CLCN3: variants seen among roughly 807,000 people sequenced by gnomAD.
CLCN3 encodes the protein Cl-/H+ antiporter 3.
CLCN3 carries 16 observed loss-of-function variants against 83.4 expected under a neutral mutation model. The observed-to-expected ratio is 0.19, with a 90% CI of 0.13 to 0.29. CLCN3 has a LOEUF of 0.29. CLCN3 is among the 10% of genes least tolerant of loss of function. The pLI, the probability that CLCN3 is intolerant of heterozygous loss-of-function variation, is 1.00. For missense variants in CLCN3, 544 were observed against 1,006.0 expected, an observed-to-expected ratio of 0.54 and a Z score of 6.21; for synonymous variants, 322 against 346.2, an observed-to-expected ratio of 0.93 and a Z score of 0.78.
chr4:169,699,448 GTGA>G (rs1457616139), intron 9 of CLCN3, among the ~76,000 whole-genome samples: 1 of 152,160 alleles, frequency 6.6e-6, no homozygotes, highest in Non-Finnish European at 1.5e-5. Flanking sequence ...GTATTTGCTA[GTGA>G]TGATGTGCTT....
At chr4:169,647,188 G>A (rs553324906) in intron 2 of CLCN3, among the ~76,000 whole-genome samples, 7 of 152,162 alleles carry the variant, frequency 4.6e-5, no homozygotes, top group African/African-American at 7.2e-5. Flanking sequence ...CCAGGAATTC[G>A]AGACCAGCCT....
chr4:169,671,149 T>C (rs749499521), intron 2 of CLCN3, among the ~76,000 whole-genome samples: 2 of 152,142 alleles, frequency 1.3e-5, no homozygotes, highest in Admixed American at 6.5e-5. Flanking sequence ...CATGCACACG[T>C]ATGTTTATTA....
rs149161966 is a variant in CLCN3, at chr4:169,662,578, G to A, written c.161-17472G>A. The A allele has an allele frequency of 1.3e-3, 197 of 152,294 alleles. 1 individual carries two copies. Among genetic ancestry groups the A allele is most frequent in the African/African-American group, 4.7e-3 (194 of 41,578 alleles). 9.4% of individuals were successfully genotyped at this position (152,294 alleles called of 1,614,324 possible). On this transcript the variant is annotated intron_variant, in intron 2 of 12. Transcript: ENST00000513761. ...TAAAATTGATCTTCAGCCTGATAGT[G>A]AAGAGGCAGATAAAGTATAAAATTG...
In CLCN3 at chr4:169,721,597, C is replaced by T. The variant is rs934138236; in HGVS notation, c.*1600C>T. The T allele has an allele frequency of 2.0e-5, 3 of 152,090 alleles. No homozygotes were observed. The highest frequency in any genetic ancestry group is 2.9e-5 in the Non-Finnish European group (2 of 68,022). 9.4% of individuals were successfully genotyped at this position (152,090 alleles called of 1,614,324 possible). On this transcript the variant is annotated 3_prime_UTR_variant, in exon 13 of 13. Coordinates refer to ENST00000513761, the MANE Select transcript of CLCN3 (RefSeq NM_001829.4). The stretch of plus-strand genomic sequence containing the variant: ...CAAAGATAGCAGTTAAAATTTTAAT[C>T]TGAAAATAACCTTTGAATCTCGGGC...
intron 9 of CLCN3, chr4:169,702,794 A>AG (rs1732844309): frequency 1.3e-5 from 4 of 305,606 alleles, no homozygotes; most frequent in African/African-American, 4.4e-5. Flanking sequence ...AAAAAAAAAA[A>AG]AAAGAAAGCC....
At chr4:169,666,897 T>A (rs1297687741) in intron 2 of CLCN3, among the ~76,000 whole-genome samples, 2 of 152,332 alleles carry the variant, frequency 1.3e-5, no homozygotes, top group East Asian at 3.9e-4. Context: ...ATATGTAATG[T>A]CCTGAGAACA....
intron 7 of CLCN3, among the ~76,000 whole-genome samples, chr4:169,695,049 C>T (rs779353765): frequency 1.1e-4 from 16 of 152,004 alleles, no homozygotes; most frequent in Non-Finnish European, 2.4e-4. Flanking sequence ...GTTGGTGAGA[C>T]TGTAACTTGA....
chr4:169,628,796 CA>C (rs1773297486), intron 1 of CLCN3, among the ~76,000 whole-genome samples: 1 of 152,210 alleles, frequency 6.6e-6, no homozygotes, highest in Non-Finnish European at 1.5e-5. Flanking sequence ...TGTACTCTGA[CA>C]TTTAGCCCAA....
At chr4:169,626,175 A>T (rs1225057152) in intron 1 of CLCN3, among the ~76,000 whole-genome samples, 1 of 152,230 alleles carries the variant, frequency 6.6e-6, no homozygotes, top group East Asian at 1.9e-4. Flanking sequence ...CAGCTCACAG[A>T]ACTCAGAGAA....
Position 169,707,037 on chromosome 4 carries a change from T to G in CLCN3, c.1920T>G (p.Pro640=). ...YEAHIRLNGY[P]FLDAKEEFTH... is the part of the protein sequence containing the mutation. ...CACACATCCGATTAAATGGATACCCTTTCTTGGATGCAAAAGAAGAATTCA... is the reference window on the plus strand; with the variant it reads ...CACACATCCGATTAAATGGATACCCGTTCTTGGATGCAAAAGAAGAATTCA... Residue 640 remains proline, a synonymous_variant, in exon 11 of 13, where the codon CCT becomes CCG. Transcript: ENST00000513761. 1 of 1,614,208 alleles carries G rather than the reference T, an allele frequency of 6.2e-7. No homozygotes were observed. Among genetic ancestry groups the G allele is most frequent in the Non-Finnish European group, 8.5e-7 (1 of 1,180,026 alleles).
At chr4:169,660,036 T>C (rs531361212) in intron 2 of CLCN3, 28 of 1,000,580 alleles carry the variant, frequency 2.8e-5, no homozygotes, top group South Asian at 4.7e-5. Context: ...GAAGCTGTAT[T>C]GTGAGTGTTT....
intron 3 of CLCN3, among the ~76,000 whole-genome samples, chr4:169,682,820 T>C (rs1304677056): frequency 2.0e-5 from 3 of 152,214 alleles, no homozygotes; most frequent in African/African-American, 7.2e-5. Flanking sequence ...CACTGCTTGA[T>C]TTTTGCTATG....
intron 7 of CLCN3, among the ~76,000 whole-genome samples, chr4:169,694,834 T>C (rs923452006): frequency 3.3e-5 from 5 of 152,024 alleles, no homozygotes; most frequent in African/African-American, 1.2e-4. Context: ...AGAGAAACTC[T>C]GTCTCAAAAA....
intron 1 of CLCN3, among the ~76,000 whole-genome samples, chr4:169,629,627 T>C (rs1444964802): frequency 6.6e-6 from 1 of 152,210 alleles, no homozygotes; most frequent in African/African-American, 2.4e-5. Context: ...CTCCTGGGCC[T>C]CTTAAAGTGC....
intron 1 of CLCN3, among the ~76,000 whole-genome samples, chr4:169,634,926 T>C (rs1250105572): frequency 6.6e-6 from 1 of 152,170 alleles, no homozygotes; most frequent in Non-Finnish European, 1.5e-5. Flanking sequence ...AATAGTCTAG[T>C]TTTCTAAAAC....
At chr4:169,717,138 G>GA (rs1733451377) in intron 12 of CLCN3, among the ~76,000 whole-genome samples, 2 of 151,926 alleles carry the variant, frequency 1.3e-5, no homozygotes, top group Non-Finnish European at 2.9e-5. Context: ...TTGTTATTTA[G>GA]AAAAAAATGC....
intron 2 of CLCN3, among the ~76,000 whole-genome samples, chr4:169,678,811 T>C (rs1731785391): frequency 6.6e-6 from 1 of 152,238 alleles, no homozygotes; most frequent in African/African-American, 2.4e-5. Flanking sequence ...CTCCTGTGTC[T>C]ACTTCTTTCT....
chr4:169,667,025 G>C (rs1731268339), intron 2 of CLCN3, among the ~76,000 whole-genome samples: 1 of 152,096 alleles, frequency 6.6e-6, no homozygotes, highest in Non-Finnish European at 1.5e-5. Context: ...ATGTAGTTCA[G>C]TTTATCTATT....
chr4:169,627,281 T>C (rs907458837), intron 1 of CLCN3, among the ~76,000 whole-genome samples: 1 of 152,216 alleles, frequency 6.6e-6, no homozygotes, highest in Non-Finnish European at 1.5e-5. Flanking sequence ...TGTGTGTGCC[T>C]GTATTGACTT....
Sources: gnomAD v4.1 joint callset for allele counts (sites outside exome capture counted in the v4.1 genomes callset) on GRCh38, gnomAD v4.1.1 for gene constraint, MANE v1.5 for transcripts, NCBI Gene and HGNC (gene_info 2026-07-23, HGNC 2026-07-21) for gene names.